EDIL3: variants seen among roughly 807,000 people sequenced by gnomAD.
EDIL3 encodes the protein EGF like and discoidin domains 3, also known as EGF-like repeat and discoidin I-like domain-containing protein 3.
A neutral mutation model predicts 67.4 loss-of-function variants in EDIL3; 37 were observed. The ratio of observed to expected loss-of-function variants is 0.55; its 90% confidence interval spans 0.42 to 0.72. EDIL3 has a LOEUF of 0.72. EDIL3 is among the 30% of genes least tolerant of loss of function. The pLI, the probability that EDIL3 is intolerant of heterozygous loss-of-function variation, is 0.00. For missense variants in EDIL3, 527 were observed against 586.3 expected, an observed-to-expected ratio of 0.90 and a Z score of 1.04; for synonymous variants, 195 against 196.3, an observed-to-expected ratio of 0.99 and a Z score of 0.05.
At chr5:83,981,178 C>A (rs1260167732) in intron 9 of EDIL3, among the ~76,000 whole-genome samples, 2 of 151,958 alleles carry the variant, frequency 1.3e-5, no homozygotes, top group East Asian at 3.9e-4. Flanking sequence ...CCCCAAATAG[C>A]CAAAACAATC....
Position 84,064,861 on chromosome 5 carries a change from T to C in EDIL3, c.808-17A>G. ...ACGAAACACCTGTGTAAAAACAGTT[T>C]AAAATTATTCACTGCAACAGCTTAT... is the stretch of plus-strand genomic sequence containing the variant. On this transcript the variant is annotated splice_polypyrimidine_tract_variant and intron_variant, in intron 7 of 10. Coordinates refer to ENST00000296591, the MANE Select transcript of EDIL3 (RefSeq NM_005711.5). 1 of 1,599,524 alleles carries C rather than the reference T, an allele frequency of 6.3e-7. No individual in the cohort carries two copies. The highest frequency in any genetic ancestry group is 8.5e-7 in the Non-Finnish European group (1 of 1,171,790).
At chr5:84,223,197 T>C (rs1368793495) in intron 3 of EDIL3, among the ~76,000 whole-genome samples, 1 of 151,780 alleles carries the variant, frequency 6.6e-6, no homozygotes, top group Non-Finnish European at 1.5e-5. Flanking sequence ...TTTGTGGGAA[T>C]GTAATCTGGT....
At chr5:83,995,645 A>G (rs1227107277) in intron 9 of EDIL3, among the ~76,000 whole-genome samples, 2 of 152,188 alleles carry the variant, frequency 1.3e-5, no homozygotes, top group African/African-American at 4.8e-5. Context: ...TCTCCTGACA[A>G]GTCATTTTAA....
intron 3 of EDIL3, among the ~76,000 whole-genome samples, chr5:84,222,780 T>C (rs1475082241): frequency 5.9e-5 from 1 of 16,980 alleles, no homozygotes; most frequent in Non-Finnish European, 1.1e-4. Flanking sequence ...TCATGTCTTC[T>C]AGAGAAATGT....
intron 1 of EDIL3, among the ~76,000 whole-genome samples, chr5:84,324,523 A>G (rs1746710973): frequency 6.6e-6 from 1 of 151,798 alleles, no homozygotes; most frequent in African/African-American, 2.4e-5. Flanking sequence ...ATGAAGATCA[A>G]ACTAAACCCA....
rs967523130 is a variant in EDIL3, at chr5:84,155,563, C to T, written c.356-18209G>A. On this transcript the variant is annotated intron_variant, in intron 4 of 10. Coordinates refer to ENST00000296591, the MANE Select transcript of EDIL3 (RefSeq NM_005711.5). ...CCTGTGTTTTCTCTGGAATTAGTCC[C>T]GTGCTGAATATCTTAAATCCATTCT... Among the ~76,000 whole-genome samples, 7 of 152,236 alleles carry T rather than the reference C, an allele frequency of 4.6e-5. No individual in the cohort carries two copies. The South Asian group carries it at 6.2e-4, about 14-fold the overall frequency.
chr5:84,131,561 T>C (rs1008133407), intron 5 of EDIL3, among the ~76,000 whole-genome samples: 1 of 152,226 alleles, frequency 6.6e-6, no homozygotes, highest in Non-Finnish European at 1.5e-5. Context: ...TGAAGTTTAC[T>C]AGCCAGGCCA....
At chr5:83,990,926 TA>T (rs1401173326) in intron 9 of EDIL3, among the ~76,000 whole-genome samples, 1 of 135,186 alleles carries the variant, frequency 7.4e-6, no homozygotes, top group African/African-American at 2.8e-5. Flanking sequence ...AATAAATAAA[TA>T]AAATAAAAGA....
chr5:84,321,726 C>T (rs188923713), intron 1 of EDIL3, among the ~76,000 whole-genome samples: 1 of 152,222 alleles, frequency 6.6e-6, no homozygotes, highest in East Asian at 1.9e-4. Flanking sequence ...CTTCTGATCA[C>T]AGAGGTGCAG....
chr5:84,367,136 T>A (rs1747754126), intron 1 of EDIL3, among the ~76,000 whole-genome samples: 1 of 152,204 alleles, frequency 6.6e-6, no homozygotes, highest in Non-Finnish European at 1.5e-5. Flanking sequence ...TTGTTTTAAG[T>A]CATGTGGGGA....
At chr5:84,041,651 T>C (rs1225026211) in intron 9 of EDIL3, among the ~76,000 whole-genome samples, 1 of 145,142 alleles carries the variant, frequency 6.9e-6, no homozygotes, top group Non-Finnish European at 1.5e-5. Context: ...CTTACATATA[T>C]ACTTATATGT....
At chr5:84,229,742 C>A (rs1744528560) in intron 3 of EDIL3, 113 bp downstream of exon 3, 2 of 1,090,762 alleles carry the variant, frequency 1.8e-6, no homozygotes, top group Admixed American at 2.3e-5. Context: ...AATAAACAAA[C>A]CTGTGCCAAT....
chr5:83,988,429 C>A (rs1745093158), intron 9 of EDIL3, among the ~76,000 whole-genome samples: 1 of 152,070 alleles, frequency 6.6e-6, no homozygotes, highest in African/African-American at 2.4e-5. Flanking sequence ...TAGAGGAAAA[C>A]AGTCCTCCTT....
chr5:84,372,492 T>C (rs1311608931), intron 1 of EDIL3, among the ~76,000 whole-genome samples: 1 of 152,150 alleles, frequency 6.6e-6, no homozygotes, highest in Non-Finnish European at 1.5e-5. Context: ...TCGACATTCC[T>C]AGTAACCTAA....
rs187945225 is a variant in EDIL3 at position 84,144,192 on chromosome 5, C to A, written c.356-6838G>T. Reference sequence around the variant, plus strand: ...CAATGTTTGCAAACACTGAACAGAACCTCTGCTTATGAAGCACATCCATCC... The same window carrying A: ...CAATGTTTGCAAACACTGAACAGAAACTCTGCTTATGAAGCACATCCATCC... On this transcript the variant is annotated intron_variant, in intron 4 of 10. Coordinates refer to ENST00000296591, the MANE Select transcript of EDIL3 (RefSeq NM_005711.5). Among the ~76,000 whole-genome samples, 4 of 152,058 alleles carry A rather than the reference C, an allele frequency of 2.6e-5. No homozygotes were observed. In the East Asian group the frequency reaches 7.8e-4, roughly 30 times the overall value.
chr5:84,291,539 C>T (rs780735214), intron 1 of EDIL3, among the ~76,000 whole-genome samples: 6 of 151,064 alleles, frequency 4.0e-5, no homozygotes, highest in Non-Finnish European at 5.9e-5. Flanking sequence ...AATAACAAAC[C>T]GAATAGAATT....
chr5:84,177,231 C>T (rs1748936349), intron 4 of EDIL3, among the ~76,000 whole-genome samples: 1 of 152,060 alleles, frequency 6.6e-6, no homozygotes, highest in South Asian at 2.1e-4. Context: ...TATGGTACAT[C>T]CATAAAATGG....
At chr5:84,227,826 T>C (rs1042185319) in intron 3 of EDIL3, among the ~76,000 whole-genome samples, 7 of 152,078 alleles carry the variant, frequency 4.6e-5, no homozygotes, top group Non-Finnish European at 1.5e-5. Flanking sequence ...AGGATCAGAA[T>C]ACTAAATACT....
intron 9 of EDIL3, among the ~76,000 whole-genome samples, chr5:83,980,649 C>T (rs936667595): frequency 2.7e-5 from 4 of 148,538 alleles, no homozygotes; most frequent in African/African-American, 9.8e-5. Context: ...GATTGCGCCA[C>T]TGCACTGAAG....
Sources: gnomAD v4.1 joint callset for allele counts (sites outside exome capture counted in the v4.1 genomes callset) on GRCh38, gnomAD v4.1.1 for gene constraint, MANE v1.5 for transcripts, NCBI Gene and HGNC (gene_info 2026-07-23, HGNC 2026-07-21) for gene names.